OPCML: variants seen among roughly 807,000 people sequenced by gnomAD.
OPCML encodes the protein opioid binding protein/cell adhesion molecule like, also known as opioid-binding protein/cell adhesion molecule.
OPCML carries 13 observed loss-of-function variants against 37.8 expected under a neutral mutation model. That is an observed-to-expected ratio of 0.34 (90% confidence interval 0.22 to 0.55). The LOEUF (loss-of-function observed/expected upper bound fraction) is 0.55. Among genes scored for constraint, OPCML ranks in the 20% least tolerant of loss-of-function variants. The probability of loss-of-function intolerance (pLI) is 0.91; values close to 1 mark genes in which losing one functional copy is unlikely to be tolerated. For synonymous variants in OPCML, 176 were observed against 168.8 expected, an observed-to-expected ratio of 1.04 and a Z score of -0.33; for missense variants, 341 against 435.6, an observed-to-expected ratio of 0.78 and a Z score of 1.93.
At chr11:133,034,647 A>G (rs908380625) in intron 1 of OPCML, among the ~76,000 whole-genome samples, 4 of 152,212 alleles carry the variant, frequency 2.6e-5, no homozygotes, top group Non-Finnish European at 5.9e-5. Context: ...AATGAAAATA[A>G]CTACAGTACC....
At chr11:132,704,665 G>T (rs902776822) in intron 2 of OPCML, among the ~76,000 whole-genome samples, 1 of 152,176 alleles carries the variant, frequency 6.6e-6, no homozygotes, top group Non-Finnish European at 1.5e-5. Context: ...ATGGAGCAAA[G>T]TGAAATGTAG....
At chr11:133,278,933 G>A (rs989056333) in intron 1 of OPCML, among the ~76,000 whole-genome samples, 3 of 152,058 alleles carry the variant, frequency 2.0e-5, no homozygotes, top group African/African-American at 4.8e-5. Context: ...ACTTTCATGC[G>A]CCTAATCAAG....
chr11:133,421,137 T>C (rs1945877527), intron 1 of OPCML: 1 of 985,282 alleles, frequency 1.0e-6, no homozygotes, highest in Non-Finnish European at 1.2e-6. Context: ...CTAACTCTAT[T>C]TAACTCTGTT....
chr11:132,599,299 A>G (rs1937661760), intron 3 of OPCML, among the ~76,000 whole-genome samples: 1 of 151,780 alleles, frequency 6.6e-6, no homozygotes, highest in South Asian at 2.1e-4. Context: ...AATAAAAACT[A>G]TGAAAAAGAA....
intron 2 of OPCML, among the ~76,000 whole-genome samples, chr11:132,813,858 C>T (rs559515323): frequency 1.3e-5 from 2 of 152,300 alleles, no homozygotes; most frequent in East Asian, 3.9e-4. Flanking sequence ...TGCCCTCAGC[C>T]TCAGCTTAAA....
chr11:132,799,458 G>A lies in OPCML; in HGVS notation c.147-142139C>T, dbSNP rs1938520641. Among the ~76,000 whole-genome samples, 3 of 152,142 alleles carry A rather than the reference G, an allele frequency of 2.0e-5. No homozygotes were observed. The South Asian group carries it at 6.2e-4, about 32-fold the overall frequency. Reference sequence around the variant, plus strand: ...GTCTTATGGAGAAGGAAGGAGATGAGGGAACTGTGGAACAGTTCAGAGCAC... The same window carrying A: ...GTCTTATGGAGAAGGAAGGAGATGAAGGAACTGTGGAACAGTTCAGAGCAC... On this transcript the variant is annotated intron_variant, in intron 2 of 7. Transcript: ENST00000524381.
At chr11:133,213,223 G>GTTT (rs35872459) in intron 1 of OPCML, among the ~76,000 whole-genome samples, 1 of 126,402 alleles carries the variant, frequency 7.9e-6, no homozygotes, top group Non-Finnish European at 1.7e-5. Flanking sequence ...TTCATAATGA[G>GTTT]TTTTTTTTTT....
At chr11:133,308,841 G>A (rs1942998970) in intron 1 of OPCML, among the ~76,000 whole-genome samples, 1 of 152,160 alleles carries the variant, frequency 6.6e-6, no homozygotes, top group Non-Finnish European at 1.5e-5. Flanking sequence ...AGAGAGATGT[G>A]TAACATTAAA....
chr11:132,992,973 A>G (rs1946808989), intron 1 of OPCML, among the ~76,000 whole-genome samples: 1 of 152,234 alleles, frequency 6.6e-6, no homozygotes, highest in South Asian at 2.1e-4. Flanking sequence ...ATCTCCGTGT[A>G]TGGGAGGAGG....
intron 1 of OPCML, among the ~76,000 whole-genome samples, chr11:133,414,331 T>A (rs1945714723): frequency 1.3e-5 from 2 of 152,188 alleles, no homozygotes; most frequent in Non-Finnish European, 2.9e-5. Context: ...ACTGGCTTTT[T>A]TGAATTATGC....
intron 1 of OPCML, among the ~76,000 whole-genome samples, chr11:133,288,383 C>A (rs981529178): frequency 7.9e-5 from 12 of 152,308 alleles, no homozygotes; most frequent in South Asian, 6.2e-4. Context: ...AGCATCTAAG[C>A]AATGGGCAAA....
intron 1 of OPCML, among the ~76,000 whole-genome samples, chr11:133,248,552 G>A (rs544139122): frequency 2.0e-5 from 3 of 152,222 alleles, no homozygotes; most frequent in African/African-American, 7.2e-5. Flanking sequence ...GTGTTAAATT[G>A]TTTCCCTGCA....
At chr11:132,587,562 A>T (rs927700468) in intron 3 of OPCML, among the ~76,000 whole-genome samples, 1 of 152,164 alleles carries the variant, frequency 6.6e-6, no homozygotes, top group African/African-American at 2.4e-5. Flanking sequence ...ATGTTGGAGG[A>T]GGACAAAGGA....
chr11:132,631,456 A>T (rs12282583), intron 3 of OPCML, among the ~76,000 whole-genome samples: 3,939 of 149,208 alleles, frequency 0.026, 97 homozygotes, highest in Middle Eastern at 0.071. Flanking sequence ...ACATATGTAT[A>T]TATATATTTC....
At chr11:132,836,631 G>A (rs1941015023) in intron 2 of OPCML, among the ~76,000 whole-genome samples, 1 of 152,016 alleles carries the variant, frequency 6.6e-6, no homozygotes. Flanking sequence ...TTCATCTTTT[G>A]GTCGCCATTA....
At chr11:132,754,615 C>G (rs552976895) in intron 2 of OPCML, among the ~76,000 whole-genome samples, 2 of 152,102 alleles carry the variant, frequency 1.3e-5, no homozygotes, top group South Asian at 4.2e-4. Flanking sequence ...AAGTAGGCAC[C>G]ATGTCACATA....
chr11:132,864,507 A>C (rs1771858147), intron 2 of OPCML, among the ~76,000 whole-genome samples: 1 of 152,236 alleles, frequency 6.6e-6, no homozygotes, highest in African/African-American at 2.4e-5. Context: ...CACAGGGTTC[A>C]ATCAATGCTT....
At chr11:132,837,882 G>A (rs996409216) in intron 2 of OPCML, among the ~76,000 whole-genome samples, 2 of 152,238 alleles carry the variant, frequency 1.3e-5, no homozygotes, top group African/African-American at 4.8e-5. Context: ...ACTGCTCAGG[G>A]TCTCTGTAAA....
At position 132,943,698 on chromosome 11, in the gene OPCML, G is replaced by T. The variant is rs1285941813; in HGVS notation, c.62-688C>A. The T allele has an allele frequency of 6.6e-6, 1 of 151,992 alleles. No homozygotes were observed. Among genetic ancestry groups the T allele is most frequent in the Admixed American group, 6.5e-5 (1 of 15,270 alleles). 9.4% of individuals were successfully genotyped at this position (151,992 alleles called of 1,614,324 possible). On this transcript the variant is annotated intron_variant, in intron 1 of 7. Transcript: ENST00000524381. This position sits in a 1 kb window ranked among gnomAD's most constrained non-coding sequence, Gnocchi z 4.3. Reference sequence around the variant, plus strand: ...ACGCGCAGCCGGCGCAGCCAGGGTCGTCCGGTCGGTGGCCGTCCTCTGCAG... The same window carrying T: ...ACGCGCAGCCGGCGCAGCCAGGGTCTTCCGGTCGGTGGCCGTCCTCTGCAG...
Sources: gnomAD v4.1 joint callset for allele counts (sites outside exome capture counted in the v4.1 genomes callset) on GRCh38, gnomAD v4.1.1 for gene constraint, Gnocchi (gnomAD v3.1) non-coding constraint, MANE v1.5 for transcripts, NCBI Gene and HGNC (gene_info 2026-07-23, HGNC 2026-07-21) for gene names.